The following EVL variants were observed in gnomAD, a reference collection of about 807,000 sequenced individuals.
The protein encoded by EVL is Enah/Vasp-like.
Under a neutral mutation model 59.6 loss-of-function variants are expected in EVL, and 21 were observed. That is an observed-to-expected ratio of 0.35 (90% CI 0.25 to 0.51). EVL has a LOEUF of 0.51. EVL is among the 20% of genes least tolerant of loss of function. The pLI, the probability that EVL is intolerant of heterozygous loss-of-function variation, is 0.97. For synonymous variants in EVL, 198 were observed against 203.5 expected (o/e 0.97, Z 0.23); for missense variants, 462 against 546.6 (o/e 0.85, Z 1.54).
chr14:100,107,337 G>A (rs967615897), intron 3 of EVL: 3 of 398,508 alleles, frequency 7.5e-6, no homozygotes, highest in African/African-American at 2.1e-5. Flanking sequence ...CCCCCTCAAA[G>A]CCTCTGCTGG....
chr14:100,135,579 G>A, intron 8 of EVL: 1 of 313,018 alleles, frequency 3.2e-6, no homozygotes, highest in South Asian at 3.5e-5. Flanking sequence ...TGAGAAGTCA[G>A]TGAGATGACA....
intron 3 of EVL, among the ~76,000 whole-genome samples, chr14:100,120,272 A>G (rs1223311972): frequency 6.6e-6 from 1 of 152,152 alleles, no homozygotes; most frequent in Non-Finnish European, 1.5e-5. Context: ...CTTTTCCCCA[A>G]GGGTGAGTGA....
intron 1 of EVL, among the ~76,000 whole-genome samples, chr14:100,031,447 A>G (rs2061313585): frequency 6.6e-6 from 1 of 152,240 alleles, no homozygotes; most frequent in African/African-American, 2.4e-5. Context: ...GAGAATGGCC[A>G]TGTGTGAGCT....
intron 1 of EVL, among the ~76,000 whole-genome samples, chr14:100,006,697 C>T (rs1014962568): frequency 5.9e-5 from 9 of 151,820 alleles, no homozygotes; most frequent in African/African-American, 2.2e-4. Context: ...CAGGAAAAAT[C>T]TCAAATTCGT....
chr14:100,088,046 C>A (rs931654752), intron 2 of EVL, among the ~76,000 whole-genome samples: 7 of 152,104 alleles, frequency 4.6e-5, no homozygotes, highest in African/African-American at 1.7e-4. Context: ...GGAGAACAGA[C>A]CTAGGAATAT....
intron 3 of EVL, chr14:100,107,554 T>C (rs1012025980): frequency 8.3e-6 from 3 of 359,690 alleles, no homozygotes; most frequent in Non-Finnish European, 1.5e-5. Flanking sequence ...TCATGAAAGA[T>C]CACTTTTTCC....
chr14:100,052,500 C>T (rs1000930850), intron 1 of EVL, among the ~76,000 whole-genome samples: 1 of 152,034 alleles, frequency 6.6e-6, no homozygotes, highest in Non-Finnish European at 1.5e-5. Flanking sequence ...GCCTGTAATC[C>T]CAGTACTTTG....
intron 1 of EVL, among the ~76,000 whole-genome samples, chr14:100,057,614 G>T (rs1208345655): frequency 6.6e-6 from 1 of 152,152 alleles, no homozygotes; most frequent in African/African-American, 2.4e-5. Context: ...AGCTGGAACT[G>T]AACTGTGAGT....
rs549594314 is a variant in EVL at position 100,010,603 on chromosome 14, G to A, written c.5+38546G>A. Reference sequence around the variant, plus strand: ...GTAGAGACAGGGTTTCGCCATGTTGGCCAGGCTGGTCTCAAACTCCTGACC... The same window carrying A: ...GTAGAGACAGGGTTTCGCCATGTTGACCAGGCTGGTCTCAAACTCCTGACC... On this transcript the variant is annotated intron_variant, in intron 1 of 13. Coordinates refer to the EVL transcript ENST00000402714. Among the ~76,000 whole-genome samples, 3 of 152,246 alleles carry A rather than the reference G, an allele frequency of 2.0e-5. No individual in the cohort carries two copies. In the East Asian group the frequency reaches 5.8e-4, roughly 29 times the overall value.
At chr14:100,079,816 A>T (rs2062253402) in intron 1 of EVL, among the ~76,000 whole-genome samples, 1 of 152,140 alleles carries the variant, frequency 6.6e-6, no homozygotes, top group Admixed American at 6.5e-5. Context: ...ACAGAGCCTG[A>T]ACTTTTCCAG....
intron 1 of EVL, among the ~76,000 whole-genome samples, chr14:99,998,362 T>G (rs1344734997): frequency 6.6e-6 from 1 of 152,142 alleles, no homozygotes; most frequent in Non-Finnish European, 1.5e-5. Context: ...GGGTCTAAGA[T>G]CTGACTCTCC....
chr14:100,045,560 G>A (rs1356182864), intron 1 of EVL, among the ~76,000 whole-genome samples: 3 of 152,152 alleles, frequency 2.0e-5, no homozygotes, highest in Non-Finnish European at 4.4e-5. Flanking sequence ...TTTGATCCCT[G>A]CCAGCACTCA....
intron 3 of EVL, among the ~76,000 whole-genome samples, chr14:100,113,591 CAAGG>C (rs1277966540): frequency 1.3e-5 from 2 of 152,038 alleles, no homozygotes; most frequent in African/African-American, 2.4e-5. Flanking sequence ...GGAGGGAAAT[CAAGG>C]AAGGAATGAG....
intron 1 of EVL, among the ~76,000 whole-genome samples, chr14:100,072,138 A>G (rs2062060542): frequency 6.6e-6 from 1 of 152,218 alleles, no homozygotes; most frequent in Admixed American, 6.5e-5. Flanking sequence ...TTAGCTTGAA[A>G]GGGAGTAAGC....
intron 7 of EVL, among the ~76,000 whole-genome samples, chr14:100,131,138 C>T (rs757900527): frequency 5.9e-5 from 9 of 152,158 alleles, no homozygotes; most frequent in East Asian, 1.9e-4. Flanking sequence ...TGCAGGGCAT[C>T]GGGTTCCACC....
At chr14:100,102,823 C>T (rs554591536) in intron 3 of EVL, among the ~76,000 whole-genome samples, 13 of 152,298 alleles carry the variant, frequency 8.5e-5, no homozygotes, top group Non-Finnish European at 1.3e-4. Context: ...AAAGGGTGGG[C>T]ACAGTGGCTC....
intron 3 of EVL, chr14:100,097,885 T>C (rs1204532499): frequency 2.3e-6 from 1 of 429,256 alleles, no homozygotes; most frequent in Non-Finnish European, 4.1e-6. Flanking sequence ...GATATAGATT[T>C]GTACAGATGT....
At chr14:100,135,644 G>A in intron 8 of EVL, 1 of 420,194 alleles carries the variant, frequency 2.4e-6, no homozygotes, top group Non-Finnish European at 4.4e-6. Context: ...TTGAGGGCCA[G>A]AAGGAAGTTC....
chr14:100,098,385 G>C (rs1885964274), intron 3 of EVL, among the ~76,000 whole-genome samples: 2 of 152,134 alleles, frequency 1.3e-5, no homozygotes. Context: ...CCGTAGTGCT[G>C]GGAAGAGGGC....
Sources: gnomAD v4.1 joint callset for allele counts (sites outside exome capture counted in the v4.1 genomes callset) on GRCh38, gnomAD v4.1.1 for gene constraint, MANE v1.5 for transcripts, NCBI Gene and HGNC (gene_info 2026-07-23, HGNC 2026-07-21) for gene names.